CTIF: variants seen among roughly 807,000 people sequenced by gnomAD.
The protein encoded by CTIF is CBP80/20-dependent translation initiation factor.
Under a neutral mutation model 66.0 loss-of-function variants are expected in CTIF, and 21 were observed. The ratio of observed to expected loss-of-function variants is 0.32; its 90% CI spans 0.23 to 0.46. The LOEUF (loss-of-function observed/expected upper bound fraction) is 0.46. Among genes scored for constraint, CTIF ranks in the 20% least tolerant of loss-of-function variants. The pLI, the probability that CTIF is intolerant of heterozygous loss-of-function variation, is 1.00. For synonymous variants in CTIF, 345 were observed against 326.4 expected (o/e 1.06, Z -0.62); for missense variants, 739 against 812.7 (o/e 0.91, Z 1.10).
intron 9 of CTIF, among the ~76,000 whole-genome samples, chr18:48,764,367 A>G (rs1909309172): frequency 1.3e-5 from 2 of 152,172 alleles, no homozygotes; most frequent in Non-Finnish European, 2.9e-5. Context: ...CAATGGCCAC[A>G]TGAATCCACA....
intron 1 of CTIF, among the ~76,000 whole-genome samples, chr18:48,574,138 G>A (rs574359255): frequency 1.6e-4 from 25 of 152,292 alleles, no homozygotes; most frequent in African/African-American, 5.1e-4. Flanking sequence ...CTGCCGGGGC[G>A]GCTTCCTGCT....
rs1568105895 is a variant in CTIF at position 48,652,046 on chromosome 18, C to T, written c.253-11706C>T. Among the ~76,000 whole-genome samples, 7 of 151,964 alleles carry T rather than the reference C, an allele frequency of 4.6e-5. No individual in the cohort carries two copies. The South Asian group carries it at 1.3e-3, about 27-fold the overall frequency. Reference sequence around the variant, plus strand: ...TCTAAAATTGACAAAGATCTAAAATCGACACCCTAACATCACAATTAAAAG... The same window carrying T: ...TCTAAAATTGACAAAGATCTAAAATTGACACCCTAACATCACAATTAAAAG... On this transcript the variant is annotated intron_variant, in intron 3 of 11. Coordinates refer to ENST00000256413, the MANE Select transcript of CTIF (RefSeq NM_014772.3).
intron 1 of CTIF, among the ~76,000 whole-genome samples, chr18:48,553,817 G>A (rs952727478): frequency 1.6e-5 from 2 of 128,218 alleles, no homozygotes; most frequent in African/African-American, 2.5e-5. Context: ...CACCATGCCC[G>A]GCTAATTTTT....
At position 48,636,670 on chromosome 18, in the gene CTIF, A is replaced by T; in HGVS notation, c.237A>T (p.Arg79=). The part of the protein sequence containing the change: ...LDSSCSFSRG[R]APPQQNGSKD... ...GCAGCTGTTCCTTCTCCCGAGGGCG[A>T]GCCCCCCCACAGCAGGTAGGGAACC... Residue 79 remains arginine (R), a synonymous_variant, in exon 3 of 12, where the codon CGA becomes CGT. Transcript: ENST00000256413. The T allele has an allele frequency of 6.3e-7, 1 of 1,599,900 alleles. No individual in the cohort carries two copies. Among genetic ancestry groups the T allele is most frequent in the Non-Finnish European group, 8.5e-7 (1 of 1,174,218 alleles).
At chr18:48,615,811 C>G (rs948529021) in intron 1 of CTIF, among the ~76,000 whole-genome samples, 1 of 152,166 alleles carries the variant, frequency 6.6e-6, no homozygotes, top group Non-Finnish European at 1.5e-5. Context: ...GCTGGGCTAC[C>G]CCATGTGAAT....
rs576701657 is a variant in CTIF at position 48,557,198 on chromosome 18, A to G, written c.-29+17886A>G. The stretch of plus-strand genomic sequence containing the variant: ...GTGGGGAAGAGATAGAGAACTGCAG[A>G]AACAGTACCTTGAAGGCCCCCTGCA... On this transcript the variant is annotated intron_variant, in intron 1 of 11. Transcript: ENST00000256413. 3.9e-5 allele frequency among the ~76,000 whole-genome samples: 6 copies of G among 152,220 alleles called. No individual in the cohort carries two copies. In the South Asian group the frequency reaches 1.2e-3, roughly 32 times the overall value.
chr18:48,628,979 G>A (rs1186110809), intron 2 of CTIF, among the ~76,000 whole-genome samples: 2 of 152,224 alleles, frequency 1.3e-5, no homozygotes, highest in Non-Finnish European at 2.9e-5. Flanking sequence ...GAGAAAGGAA[G>A]ATGTCATGCA....
intron 7 of CTIF, among the ~76,000 whole-genome samples, chr18:48,713,460 C>T (rs974327439): frequency 1.3e-5 from 2 of 152,094 alleles, no homozygotes; most frequent in East Asian, 1.9e-4. Flanking sequence ...AAAGCAGCAG[C>T]GTGACCCAGG....
intron 9 of CTIF, among the ~76,000 whole-genome samples, chr18:48,801,878 C>CT (rs558806877): frequency 1.3e-5 from 2 of 152,314 alleles, no homozygotes; most frequent in Admixed American, 1.3e-4. Context: ...CTCCAAAAAG[C>CT]TGGATAAGCT....
intron 1 of CTIF, among the ~76,000 whole-genome samples, chr18:48,576,670 G>T (rs1353059001): frequency 6.6e-6 from 1 of 152,204 alleles, no homozygotes; most frequent in Non-Finnish European, 1.5e-5. Context: ...ATGAAACAAG[G>T]TTCCATGGTG....
intron 6 of CTIF, among the ~76,000 whole-genome samples, chr18:48,696,080 A>C (rs972863500): frequency 2.6e-5 from 4 of 152,234 alleles, no homozygotes; most frequent in African/African-American, 9.6e-5. Flanking sequence ...GCCGCCTCCC[A>C]CAGATATTCC....
intron 5 of CTIF, among the ~76,000 whole-genome samples, chr18:48,669,384 G>A (rs1476215935): frequency 1.3e-5 from 2 of 151,836 alleles, no homozygotes; most frequent in Non-Finnish European, 2.9e-5. Context: ...ACTATGCACC[G>A]GCCATGCTCC....
chr18:48,663,687 GC>G, intron 3 of CTIF, 64 bp from the exon 4 acceptor site: 1 of 1,468,884 alleles, frequency 6.8e-7, no homozygotes, highest in Non-Finnish European at 9.5e-7. Flanking sequence ...TCAGGCCCTG[GC>G]CCCGTGTTCT....
At chr18:48,602,850 A>ATGAATGG (rs1568064603) in intron 1 of CTIF, among the ~76,000 whole-genome samples, 54 of 142,668 alleles carry the variant, frequency 3.8e-4, no homozygotes, top group South Asian at 1.6e-3. Flanking sequence ...TGGATGGATG[A>ATGAATGG]ATGGATGGAT....
intron 7 of CTIF, among the ~76,000 whole-genome samples, chr18:48,741,911 A>G (rs150401772): frequency 1.3e-5 from 2 of 152,272 alleles, no homozygotes; most frequent in African/African-American, 4.8e-5. Flanking sequence ...CACTGGGACC[A>G]AGGGCTTGAC....
intron 7 of CTIF, among the ~76,000 whole-genome samples, chr18:48,733,190 T>A (rs1243412309): frequency 6.6e-6 from 1 of 152,010 alleles, no homozygotes. Flanking sequence ...TCACTAACTT[T>A]TTCAAGTTTG....
At chr18:48,747,165 T>A (rs1483364821) in intron 7 of CTIF, among the ~76,000 whole-genome samples, 1 of 152,044 alleles carries the variant, frequency 6.6e-6, no homozygotes, top group African/African-American at 2.4e-5. Context: ...TCTACCCAGA[T>A]CTCAGGGGAG....
At chr18:48,825,088 T>C (rs2068556913) in intron 10 of CTIF, among the ~76,000 whole-genome samples, 1 of 152,120 alleles carries the variant, frequency 6.6e-6, no homozygotes, top group Non-Finnish European at 1.5e-5. Flanking sequence ...TCCTGTCTCT[T>C]TGGAGTCCAG....
intron 1 of CTIF, among the ~76,000 whole-genome samples, chr18:48,590,675 C>T (rs1296883020): frequency 2.0e-5 from 3 of 152,180 alleles, no homozygotes; most frequent in African/African-American, 7.2e-5. Context: ...GCACCACCTT[C>T]GCCAGAGACC....
Sources: gnomAD v4.1 joint callset for allele counts (sites outside exome capture counted in the v4.1 genomes callset) on GRCh38, gnomAD v4.1.1 for gene constraint, MANE v1.5 for transcripts, NCBI Gene and HGNC (gene_info 2026-07-23, HGNC 2026-07-21) for gene names.